CSMD1: variants seen among roughly 807,000 people sequenced by gnomAD.
The protein encoded by CSMD1 is CUB and Sushi multiple domains 1.
Under a neutral mutation model 417.5 loss-of-function variants are expected in CSMD1, and 213 were observed. The observed-to-expected ratio is 0.51, with a 90% CI of 0.46 to 0.57. CSMD1 has a LOEUF of 0.57. CSMD1 is among the 20% of genes least tolerant of loss of function. The probability of loss-of-function intolerance (pLI) is 0.00; values close to 1 mark genes in which losing one functional copy is unlikely to be tolerated. For synonymous variants in CSMD1, 2,862 were observed against 1,736.8 expected (o/e 1.65, Z -16.11); for missense variants, 6,923 against 4,529.7 (o/e 1.53, Z -15.17).
At chr8:3,913,260 C>G (rs889011388) in intron 5 of CSMD1, among the ~76,000 whole-genome samples, 3 of 152,106 alleles carry the variant, frequency 2.0e-5, no homozygotes, top group Non-Finnish European at 4.4e-5. Context: ...ACGAGAATGA[C>G]AATGGAAGCC....
At chr8:4,197,072 T>C (rs1374442237) in intron 3 of CSMD1, among the ~76,000 whole-genome samples, 1 of 152,210 alleles carries the variant, frequency 6.6e-6, no homozygotes, top group Non-Finnish European at 1.5e-5. Flanking sequence ...GCTTGTGTTC[T>C]ATGGGAAATG....
At chr8:3,548,464 G>C (rs1383214143) in intron 10 of CSMD1, among the ~76,000 whole-genome samples, 1 of 151,772 alleles carries the variant, frequency 6.6e-6, no homozygotes, top group African/African-American at 2.4e-5. Context: ...CTTTCTGCCT[G>C]AGTCCTCGAG....
rs1477172660 is a variant in CSMD1, at chr8:3,838,759, ATATAGTATAATATATAATAAATTG to A, written c.819-84741_819-84718del. 1.1e-3 allele frequency among the ~76,000 whole-genome samples: 90 copies of A among 82,684 alleles called. 8 individuals carry two copies. The highest frequency in any genetic ancestry group is 1.3e-3 in the Admixed American group (8 of 6,114). 54.2% of individuals were successfully genotyped at this position (82,684 alleles called of 152,430 possible). A position where few individuals can be genotyped will look rare whatever the true frequency, so the allele number is the denominator to read the frequency against. Reference sequence around the variant, plus strand: ...TATAGTATAATATATAATAAATATTATATAGTATAATATATAATAAATTGATATTATATAGTATAATATATAATA... The same window carrying A: ...TATAGTATAATATATAATAAATATTAATATTATATAGTATAATATATAATA... On this transcript the variant is annotated intron_variant, in intron 5 of 69. Transcript: ENST00000635120.
chr8:3,533,392 AT>A (rs1224668528), intron 10 of CSMD1, among the ~76,000 whole-genome samples: 2 of 151,998 alleles, frequency 1.3e-5, no homozygotes, highest in African/African-American at 4.8e-5. Flanking sequence ...GTGACTCCTC[AT>A]TTCCCCCTCC....
chr8:3,668,985 C>G (rs1195117095), intron 7 of CSMD1, among the ~76,000 whole-genome samples: 1 of 152,158 alleles, frequency 6.6e-6, no homozygotes, highest in Admixed American at 6.5e-5. Context: ...CCAGGTTAGC[C>G]TGTGCTTTCA....
At chr8:3,385,296 C>T (rs532857926) in intron 18 of CSMD1, among the ~76,000 whole-genome samples, 4 of 148,834 alleles carry the variant, frequency 2.7e-5, no homozygotes, top group South Asian at 2.1e-4. Flanking sequence ...TGTATATAGG[C>T]CTTTACATTT....
intron 50 of CSMD1, among the ~76,000 whole-genome samples, chr8:3,049,893 G>A (rs1811705096): frequency 6.6e-6 from 1 of 152,072 alleles, no homozygotes; most frequent in Admixed American, 6.6e-5. Flanking sequence ...AAATCTCTGT[G>A]TCTTCCATTC....
chr8:3,835,317 C>A (rs539079084), intron 5 of CSMD1, among the ~76,000 whole-genome samples: 37 of 152,190 alleles, frequency 2.4e-4, no homozygotes, highest in African/African-American at 8.2e-4. Flanking sequence ...TGGAACCATC[C>A]CAAATGTCCA....
chr8:4,735,241 A>T (rs1012276301), intron 1 of CSMD1, among the ~76,000 whole-genome samples: 2 of 152,176 alleles, frequency 1.3e-5, no homozygotes, highest in East Asian at 3.9e-4. Context: ...TACTTGAGTC[A>T]TCTCAGCACT....
At chr8:3,331,558 A>G (rs1014459797) in intron 23 of CSMD1, among the ~76,000 whole-genome samples, 3 of 152,196 alleles carry the variant, frequency 2.0e-5, no homozygotes, top group African/African-American at 2.4e-5. Context: ...CTGTCTTTAA[A>G]CTGAAAATAA....
chr8:3,795,193 C>T (rs1302866321), intron 5 of CSMD1, among the ~76,000 whole-genome samples: 1 of 107,340 alleles, frequency 9.3e-6, no homozygotes, highest in Non-Finnish European at 1.8e-5. Flanking sequence ...AGATACCTAT[C>T]ATGTACAGAT....
chr8:4,666,555 G>C lies in CSMD1; in HGVS notation c.86-28997C>G, dbSNP rs369880406. ...ATACTTTGATTTTTGACCAATTTTG[G>C]ACTTCTGACTTCTAAAACTGTAAAA... On this transcript the variant is annotated intron_variant, in intron 1 of 69. Transcript: ENST00000635120. 1.9e-4 allele frequency among the ~76,000 whole-genome samples: 29 copies of C among 152,114 alleles called. No individual in the cohort carries two copies. The East Asian group carries it at 2.1e-3, about 11-fold the overall frequency.
intron 3 of CSMD1, among the ~76,000 whole-genome samples, chr8:4,190,387 A>G (rs1798950609): frequency 6.6e-6 from 1 of 152,058 alleles, no homozygotes; most frequent in Non-Finnish European, 1.5e-5. Flanking sequence ...AGCAGCCACT[A>G]CTTGACAGAA....
intron 23 of CSMD1, among the ~76,000 whole-genome samples, chr8:3,329,107 T>A (rs756866242): frequency 1.6e-4 from 25 of 151,990 alleles, no homozygotes; most frequent in Non-Finnish European, 3.1e-4. Context: ...AGATGCCAGA[T>A]GTTGGCATAG....
intron 41 of CSMD1, among the ~76,000 whole-genome samples, chr8:3,119,318 G>A (rs1386228298): frequency 7.3e-6 from 1 of 136,196 alleles, no homozygotes; most frequent in East Asian, 2.2e-4. Context: ...TGGAAAATAT[G>A]TCGTTATTTG....
At chr8:3,232,017 T>G (rs999632185) in intron 26 of CSMD1, among the ~76,000 whole-genome samples, 1 of 152,228 alleles carries the variant, frequency 6.6e-6, no homozygotes, top group Non-Finnish European at 1.5e-5. Flanking sequence ...TATACATGTG[T>G]GTATCTATAA....
chr8:3,316,242 T>C (rs1242980335), intron 23 of CSMD1, among the ~76,000 whole-genome samples: 2 of 152,200 alleles, frequency 1.3e-5, no homozygotes, highest in African/African-American at 4.8e-5. Context: ...GTATGTATTG[T>C]AACATCACCA....
At position 3,769,851 on chromosome 8, in the gene CSMD1, T is replaced by A. The variant is rs993348022; in HGVS notation, c.819-15809A>T. On this transcript the variant is annotated intron_variant, in intron 5 of 69. Transcript: ENST00000635120. ...AGCACTTTTATTTCACAGGATGGAC[T>A]CCTAGAAGAAAAACGTATGTGTCAG... Among the ~76,000 whole-genome samples the A allele has an allele frequency of 6.6e-5, 10 of 152,300 alleles. No homozygotes were observed. In the South Asian group the frequency reaches 1.7e-3, roughly 25 times the overall value.
chr8:4,948,959 G>A (rs903362669), intron 1 of CSMD1, among the ~76,000 whole-genome samples: 2 of 152,040 alleles, frequency 1.3e-5, no homozygotes, highest in Non-Finnish European at 2.9e-5. Flanking sequence ...ACTTTATATA[G>A]CAAGGCTGAT....
Sources: gnomAD v4.1 joint callset for allele counts (sites outside exome capture counted in the v4.1 genomes callset) on GRCh38, gnomAD v4.1.1 for gene constraint, MANE v1.5 for transcripts, NCBI Gene and HGNC (gene_info 2026-07-23, HGNC 2026-07-21) for gene names.